The following PTN variants were observed in gnomAD, a reference collection of about 807,000 sequenced individuals.
PTN encodes the protein pleiotrophin.
Under a neutral mutation model 24.1 loss-of-function variants are expected in PTN, and 18 were observed. The ratio of observed to expected loss-of-function variants is 0.75; its 90% CI spans 0.52 to 1.11. The LOEUF (loss-of-function observed/expected upper bound fraction) is 1.11. Among genes scored for constraint, PTN ranks in the 50% least tolerant of loss-of-function variants. The pLI, the probability that PTN is intolerant of heterozygous loss-of-function variation, is 0.00. For missense variants in PTN, 163 were observed against 198.8 expected, an observed-to-expected ratio of 0.82 and a Z score of 1.08; for synonymous variants, 78 against 68.6, an observed-to-expected ratio of 1.14 and a Z score of -0.67.
At position 137,227,591 on chromosome 7, in the gene PTN, G is replaced by A. The variant is rs1344697548; in HGVS notation, c.*429C>T. 1.3e-5 allele frequency: 2 copies of A among 152,212 alleles called. No individual in the cohort carries two copies. Among genetic ancestry groups the A allele is most frequent in the Non-Finnish European group, 2.9e-5 (2 of 68,204 alleles). 9.4% of individuals were successfully genotyped at this position (152,212 alleles called of 1,614,324 possible). A position where few individuals can be genotyped will look rare whatever the true frequency, so the allele number is the denominator to read the frequency against. On this transcript the variant is annotated 3_prime_UTR_variant, in exon 5 of 5. Coordinates refer to ENST00000348225, the MANE Select transcript of PTN (RefSeq NM_002825.7). ...TATTTTCTTCAAATAGAGTGATTAT[G>A]TTTTATTGCTATTTTGTTTAGTATA...
intron 1 of PTN, chr7:137,324,769 G>A (rs1810230836): frequency 1.3e-5 from 2 of 152,086 alleles, no homozygotes; most frequent in Non-Finnish European, 2.9e-5. Context: ...TCCATTCTGG[G>A]AACCTCCTCC....
chr7:137,232,989 C>A (rs1808454442), intron 4 of PTN, among the ~76,000 whole-genome samples: 2 of 151,910 alleles, frequency 1.3e-5, no homozygotes, highest in South Asian at 2.1e-4. Flanking sequence ...AACCTCTTTT[C>A]TTTATAGATT....
At position 137,263,809 on chromosome 7, in the gene PTN, C is replaced by T. The variant is rs149585287; in HGVS notation, c.-1-8835G>A. On this transcript the variant is annotated intron_variant, in intron 1 of 4. Transcript: ENST00000348225. ...CCTGACCACTGGTCAGGCAGCTTAG[C>T]GTAGGTTCTATGTCCACATACCCAG... is the stretch of plus-strand genomic sequence containing the variant. Among the ~76,000 whole-genome samples, 873 of 152,010 alleles carry T rather than the reference C, an allele frequency of 5.7e-3. 7 individuals carry two copies. The highest frequency in any genetic ancestry group is 0.02 in the African/African-American group (834 of 41,466).
chr7:137,241,678 C>T (rs921997950), intron 4 of PTN, among the ~76,000 whole-genome samples: 2 of 152,070 alleles, frequency 1.3e-5, no homozygotes, highest in Admixed American at 6.6e-5. Flanking sequence ...AGTTAGATCT[C>T]CCCACTTCTA....
At position 137,313,369 on chromosome 7, in the gene PTN, C is replaced by A. The variant is rs138778223; in HGVS notation, c.-2+30070G>T. On this transcript the variant is annotated intron_variant, in intron 1 of 4. Coordinates refer to ENST00000348225, the MANE Select transcript of PTN (RefSeq NM_002825.7). ...TAGGGAATTGCTGTTCAGATGCATT[C>A]ATAAGGGAACTGAGTCATGAGGGGA... 5.9e-3 allele frequency among the ~76,000 whole-genome samples: 900 copies of A among 152,300 alleles called. 8 individuals are homozygous for A. Among genetic ancestry groups the A allele is most frequent in the South Asian group, 0.01 (50 of 4,826 alleles).
rs542008281 is a variant in PTN at position 137,342,398 on chromosome 7, A to C, written c.-2+1041T>G. Reference sequence around the variant, plus strand: ...AGAGATGCTCAAGGACCGCAGCTTTAATATTTTCTCCTCTTAGCACCCCTA... The same window carrying C: ...AGAGATGCTCAAGGACCGCAGCTTTCATATTTTCTCCTCTTAGCACCCCTA... On this transcript the variant is annotated intron_variant, in intron 1 of 4. Coordinates refer to ENST00000348225, the MANE Select transcript of PTN (RefSeq NM_002825.7). Among the ~76,000 whole-genome samples the C allele has an allele frequency of 6.6e-5, 10 of 152,268 alleles. No homozygotes were observed. In the South Asian group the frequency reaches 2.1e-3, roughly 32 times the overall value.
intron 1 of PTN, among the ~76,000 whole-genome samples, chr7:137,285,542 T>C (rs1809539701): frequency 6.6e-6 from 1 of 152,070 alleles, no homozygotes; most frequent in African/African-American, 2.4e-5. Context: ...GGCGTGTGCC[T>C]GTAGTCAGTC....
At chr7:137,282,064 T>C (rs1227325803) in intron 1 of PTN, among the ~76,000 whole-genome samples, 1 of 152,238 alleles carries the variant, frequency 6.6e-6, no homozygotes, top group African/African-American at 2.4e-5. Flanking sequence ...ATAAAACCTG[T>C]GTGTACTCAA....
chr7:137,288,561 CTAAAG>C (rs1222078428), intron 1 of PTN, among the ~76,000 whole-genome samples: 2 of 152,090 alleles, frequency 1.3e-5, no homozygotes, highest in African/African-American at 4.8e-5. Flanking sequence ...TGAATTTTAT[CTAAAG>C]CTAAATGTAT....
At chr7:137,268,368 G>A (rs141016875) in intron 1 of PTN, among the ~76,000 whole-genome samples, 4 of 151,850 alleles carry the variant, frequency 2.6e-5, no homozygotes. Flanking sequence ...AGGACGAGCC[G>A]CGGACAGGAG....
At chr7:137,295,840 G>A in intron 1 of PTN, among the ~76,000 whole-genome samples, 1 of 151,872 alleles carries the variant, frequency 6.6e-6, no homozygotes, top group East Asian at 1.9e-4. Context: ...CCTCCAGAAA[G>A]CTCTGGAGCA....
intron 4 of PTN, among the ~76,000 whole-genome samples, chr7:137,233,114 T>G (rs1401526948): frequency 6.6e-6 from 1 of 151,948 alleles, no homozygotes; most frequent in East Asian, 1.9e-4. Context: ...AGCCCATGTG[T>G]TTTTTTCTAT....
intron 1 of PTN, among the ~76,000 whole-genome samples, chr7:137,268,755 C>T (rs994884625): frequency 3.9e-5 from 6 of 152,258 alleles, no homozygotes; most frequent in African/African-American, 1.2e-4. Context: ...GGTTCCTAGG[C>T]GCTGGGTTAC....
At chr7:137,323,836 T>G (rs141678579) in intron 1 of PTN, among the ~76,000 whole-genome samples, 53 of 152,034 alleles carry the variant, frequency 3.5e-4, no homozygotes, top group Non-Finnish European at 7.1e-4. Context: ...GTCTAACGAG[T>G]TCTTAGGTGA....
At chr7:137,254,498 C>A (rs974405055) in intron 2 of PTN, among the ~76,000 whole-genome samples, 4 of 151,360 alleles carry the variant, frequency 2.6e-5, no homozygotes, top group Admixed American at 2.6e-4. Flanking sequence ...TTGTTTCCTC[C>A]TCTGTAAATC....
intron 1 of PTN, among the ~76,000 whole-genome samples, chr7:137,270,076 G>A (rs1323677980): frequency 1.3e-5 from 2 of 152,148 alleles, no homozygotes; most frequent in South Asian, 2.1e-4. Context: ...CTCAAGACAC[G>A]ACAGTGACAA....
At chr7:137,255,176 G>A (rs1425032987) in intron 1 of PTN, among the ~76,000 whole-genome samples, 11 of 152,130 alleles carry the variant, frequency 7.2e-5, no homozygotes, top group Non-Finnish European at 1.5e-4. Flanking sequence ...AATCAATCAC[G>A]TATTCACTGA....
chr7:137,279,905 G>C (rs548709122), intron 1 of PTN, among the ~76,000 whole-genome samples: 81 of 152,286 alleles, frequency 5.3e-4, no homozygotes, highest in African/African-American at 1.9e-3. Flanking sequence ...CTTAAACTGT[G>C]ACTTTGAAAA....
chr7:137,319,765 C>T (rs2128880974), intron 1 of PTN, among the ~76,000 whole-genome samples: 1 of 152,322 alleles, frequency 6.6e-6, no homozygotes, highest in East Asian at 1.9e-4. Context: ...CCGGAATGGG[C>T]TGGGCGGGTA....
Sources: allele counts gnomAD v4.1 joint callset (sites outside exome capture counted in the v4.1 genomes callset), GRCh38; gene constraint gnomAD v4.1.1; transcripts MANE v1.5; gene names NCBI Gene and HGNC (gene_info 2026-07-23, HGNC 2026-07-21).